Variants in ZBTB20 observed in about 807,000 individuals in gnomAD.
The protein encoded by ZBTB20 is zinc finger and BTB domain-containing protein 20.
ZBTB20 carries 9 observed loss-of-function variants against 56.9 expected under a neutral mutation model. The ratio of observed to expected loss-of-function variants is 0.16; its 90% CI spans 0.10 to 0.28. The LOEUF (loss-of-function observed/expected upper bound fraction) is 0.28. Ranked by LOEUF, ZBTB20 falls within the 10% of genes least tolerant of loss-of-function variation. The pLI is 1.00. For synonymous variants in ZBTB20, 417 were observed against 420.7 expected, an observed-to-expected ratio of 0.99 and a Z score of 0.11; for missense variants, 655 against 1,003.0, an observed-to-expected ratio of 0.65 and a Z score of 4.69.
intron 5 of ZBTB20, among the ~76,000 whole-genome samples, chr3:114,775,970 C>T (rs992707815): frequency 6.6e-6 from 1 of 151,478 alleles, no homozygotes; most frequent in Non-Finnish European, 1.5e-5. Flanking sequence ...ACCTAGTTTT[C>T]TTCAACCCTG....
chr3:114,695,820 T>C (rs1423413748), intron 5 of ZBTB20, among the ~76,000 whole-genome samples: 2 of 151,984 alleles, frequency 1.3e-5, no homozygotes, highest in African/African-American at 2.4e-5. Context: ...AAACTGCATA[T>C]TGGAATCCAA....
At chr3:115,026,685 A>C (rs2080439179) in intron 2 of ZBTB20, among the ~76,000 whole-genome samples, 1 of 150,772 alleles carries the variant, frequency 6.6e-6, no homozygotes, top group South Asian at 2.1e-4. Context: ...TTATTTTTCA[A>C]AACATGTAAA....
At chr3:114,785,696 C>G (rs1051140981) in intron 5 of ZBTB20, among the ~76,000 whole-genome samples, 2 of 151,620 alleles carry the variant, frequency 1.3e-5, no homozygotes, top group Non-Finnish European at 2.9e-5. Context: ...TGATGGTTAT[C>G]AAATACACAT....
rs1578758004 is a variant in ZBTB20, at chr3:114,763,162, A to T, written c.-343+37939T>A. On this transcript the variant is annotated intron_variant, in intron 5 of 11. Transcript: ENST00000675478. ...AGAACTCACGTATTTTAAACTTGTT[A>T]AGTGATGATCAATATAATGGGCTGT... Among the ~76,000 whole-genome samples, 3 of 152,172 alleles carry T rather than the reference A, an allele frequency of 2.0e-5. No individual in the cohort carries two copies. In the South Asian group the frequency reaches 6.2e-4, roughly 31 times the overall value.
At chr3:114,392,495 T>C (rs2085968354) in intron 7 of ZBTB20, among the ~76,000 whole-genome samples, 1 of 152,124 alleles carries the variant, frequency 6.6e-6, no homozygotes, top group Admixed American at 6.5e-5. Flanking sequence ...AATAAAGAAA[T>C]TTCTCATGCT....
At chr3:114,964,462 T>C (rs1459578632) in intron 3 of ZBTB20, among the ~76,000 whole-genome samples, 2 of 152,040 alleles carry the variant, frequency 1.3e-5, no homozygotes, top group Non-Finnish European at 1.5e-5. Context: ...TGCTACAATA[T>C]GGTAAATCAT....
In ZBTB20 at chr3:114,318,780, G is replaced by C. The variant is rs1002566994; in HGVS notation, c.*20225C>G. 1 of 152,192 alleles carries C rather than the reference G, an allele frequency of 6.6e-6. No homozygotes were observed. Among genetic ancestry groups the C allele is most frequent in the Non-Finnish European group, 1.5e-5 (1 of 68,036 alleles). 9.4% of individuals were successfully genotyped at this position (152,192 alleles called of 1,614,324 possible). On this transcript the variant is annotated 3_prime_UTR_variant, in exon 12 of 12. Coordinates refer to ENST00000675478, the MANE Select transcript of ZBTB20 (RefSeq NM_001348800.3). ...ATTAAAGCAGGGCTTCGGTGGCTTT[G>C]ATAATCTGACAGCTGTTATATTTTT...
chr3:114,597,215 C>A (rs538692079), intron 6 of ZBTB20, among the ~76,000 whole-genome samples: 2 of 152,024 alleles, frequency 1.3e-5, no homozygotes, highest in African/African-American at 2.4e-5. Context: ...AAGTAGTGAC[C>A]CCTAGTGGGT....
intron 6 of ZBTB20, among the ~76,000 whole-genome samples, chr3:114,657,607 C>T (rs925456552): frequency 6.6e-6 from 1 of 152,168 alleles, no homozygotes; most frequent in Non-Finnish European, 1.5e-5. Context: ...TTTGCCAATG[C>T]CAGCTCCATT....
At chr3:114,709,290 C>T (rs1477086652) in intron 5 of ZBTB20, among the ~76,000 whole-genome samples, 4 of 152,080 alleles carry the variant, frequency 2.6e-5, no homozygotes, top group African/African-American at 7.2e-5. Flanking sequence ...GAGACACCAC[C>T]CCTCTCATGG....
chr3:114,818,196 T>G (rs11707275), intron 4 of ZBTB20, among the ~76,000 whole-genome samples: 6,756 of 152,246 alleles, frequency 0.044, 163 homozygotes, highest in Middle Eastern at 0.11. Context: ...TATTAGAATC[T>G]GAACACAATG....
At chr3:114,910,695 A>G (rs933242725) in intron 3 of ZBTB20, among the ~76,000 whole-genome samples, 4 of 152,044 alleles carry the variant, frequency 2.6e-5, no homozygotes, top group Non-Finnish European at 4.4e-5. Flanking sequence ...TATAAATAAA[A>G]TGATGCTCAA....
chr3:114,680,947 A>G (rs967126041), intron 6 of ZBTB20, among the ~76,000 whole-genome samples: 1 of 152,200 alleles, frequency 6.6e-6, no homozygotes, highest in African/African-American at 2.4e-5. Context: ...AAAAGTATAT[A>G]AATTTACTTG....
At chr3:114,522,252 C>T (rs1296095051) in intron 6 of ZBTB20, among the ~76,000 whole-genome samples, 1 of 152,088 alleles carries the variant, frequency 6.6e-6, no homozygotes, top group African/African-American at 2.4e-5. Context: ...CAAGCCTTAT[C>T]TGGGGAAAAC....
At chr3:114,469,240 T>C (rs1692228941) in intron 7 of ZBTB20, among the ~76,000 whole-genome samples, 1 of 152,052 alleles carries the variant, frequency 6.6e-6, no homozygotes, top group Admixed American at 6.6e-5. Flanking sequence ...GTTAAGCAAA[T>C]AAAGTTTTAC....
At chr3:114,725,510 T>C (rs192225540) in intron 5 of ZBTB20, among the ~76,000 whole-genome samples, 12 of 152,354 alleles carry the variant, frequency 7.9e-5, no homozygotes, top group Admixed American at 7.8e-4. Flanking sequence ...TTAATCGAAA[T>C]TGATAATGAA....
chr3:114,725,846 T>C (rs1307920143), intron 5 of ZBTB20, among the ~76,000 whole-genome samples: 1 of 152,130 alleles, frequency 6.6e-6, no homozygotes, highest in Admixed American at 6.5e-5. Flanking sequence ...TATACAACAA[T>C]ATAGGCTAGT....
At chr3:114,799,386 T>C (rs910720404) in intron 5 of ZBTB20, among the ~76,000 whole-genome samples, 3 of 151,896 alleles carry the variant, frequency 2.0e-5, no homozygotes, top group African/African-American at 7.3e-5. Flanking sequence ...GTAAAGTCAA[T>C]GAGGTAAGGG....
intron 2 of ZBTB20, among the ~76,000 whole-genome samples, chr3:114,994,960 G>A (rs2078966079): frequency 6.6e-6 from 1 of 151,896 alleles, no homozygotes; most frequent in African/African-American, 2.4e-5. Context: ...TGGCCCTACA[G>A]GAGTGCCTTG....
Sources: allele counts gnomAD v4.1 joint callset (sites outside exome capture counted in the v4.1 genomes callset), GRCh38; gene constraint gnomAD v4.1.1; transcripts MANE v1.5; gene names NCBI Gene and HGNC (gene_info 2026-07-23, HGNC 2026-07-21).